The following FRMPD4 variants were observed in gnomAD, a reference collection of about 807,000 sequenced individuals.
FRMPD4 encodes the protein FERM and PDZ domain containing 4.
A neutral mutation model predicts 94.1 loss-of-function variants in FRMPD4; 22 were observed. The ratio of observed to expected loss-of-function variants is 0.23; its 90% CI spans 0.17 to 0.33. The LOEUF (loss-of-function observed/expected upper bound fraction) is 0.33. Ranked by LOEUF, FRMPD4 falls within the 10% of genes least tolerant of loss-of-function variation. The pLI, the probability that FRMPD4 is intolerant of heterozygous loss-of-function variation, is 1.00. For synonymous variants in FRMPD4, 631 were observed against 548.6 expected, an observed-to-expected ratio of 1.15 and a Z score of -2.10; for missense variants, 1,111 against 1,339.9, an observed-to-expected ratio of 0.83 and a Z score of 2.67.
chrX:12,236,576 A>G (rs1569201762), intron 1 of FRMPD4, among the ~76,000 whole-genome samples: 1 of 112,100 alleles, frequency 8.9e-6, no homozygotes, highest in Non-Finnish European at 1.9e-5. Context: ...GAATTTATAT[A>G]ATTTTAATGA....
intron 2 of FRMPD4, among the ~76,000 whole-genome samples, chrX:12,533,915 T>G (rs1418188262): frequency 8.9e-6 from 1 of 112,686 alleles, no homozygotes; most frequent in Non-Finnish European, 1.9e-5. Flanking sequence ...CTGCAGAAAT[T>G]TGCACAAGTA....
chrX:12,294,981 T>G (rs1019467923), intron 1 of FRMPD4, among the ~76,000 whole-genome samples: 17 of 112,096 alleles, frequency 1.5e-4, no homozygotes, highest in Non-Finnish European at 3.0e-4. Flanking sequence ...CACACAGAGA[T>G]TATTTACATA....
intron 1 of FRMPD4, among the ~76,000 whole-genome samples, chrX:12,141,526 CT>C (rs1252581378): frequency 9.0e-6 from 1 of 111,377 alleles, no homozygotes; most frequent in African/African-American, 3.3e-5. Context: ...AATCTATACC[CT>C]TTTAATCGTG....
chrX:12,543,802 G>T (rs182657878), intron 2 of FRMPD4, among the ~76,000 whole-genome samples: 97 of 108,723 alleles, frequency 8.9e-4, no homozygotes, highest in African/African-American at 3.1e-3. Flanking sequence ...GTTTATTGCG[G>T]CACTCTTCAC....
At chrX:12,226,016 T>C (rs1191923689) in intron 1 of FRMPD4, among the ~76,000 whole-genome samples, 1 of 111,977 alleles carries the variant, frequency 8.9e-6, no homozygotes, top group African/African-American at 3.3e-5. Context: ...ATGAAAACGG[T>C]GCCTGGCACA....
chrX:12,229,654 CCTT>C (rs1294068027), intron 1 of FRMPD4, among the ~76,000 whole-genome samples: 1 of 111,791 alleles, frequency 8.9e-6, no homozygotes, highest in Non-Finnish European at 1.9e-5. Context: ...TTTGCTCTCT[CCTT>C]CTCCACTGGC....
In FRMPD4 at chrX:11,970,903, A is replaced by G. The variant is rs773941122; in HGVS notation, c.95+92885A>G. On this transcript the variant is annotated intron_variant, in intron 3 of 18. Coordinates refer to the FRMPD4 transcript ENST00000640291. ...CCGTGGCTCAATCCAATTCCATTTG[A>G]GTGTCCCCCAGTTTAAGCCTCCCCA... 3.6e-5 allele frequency among the ~76,000 whole-genome samples: 4 copies of G among 111,998 alleles called. No homozygotes were observed. In the East Asian group the frequency reaches 1.1e-3, roughly 31 times the overall value.
At chrX:12,085,397 A>G (rs1030189608) in intron 3 of FRMPD4, among the ~76,000 whole-genome samples, 2 of 111,410 alleles carry the variant, frequency 1.8e-5, no homozygotes. Context: ...AGCTAGATGC[A>G]GTGTCTCATA....
At chrX:11,941,710 A>G (rs938808934) in intron 3 of FRMPD4, among the ~76,000 whole-genome samples, 2 of 112,640 alleles carry the variant, frequency 1.8e-5, no homozygotes. Flanking sequence ...GATTTATCCC[A>G]TAGTTTAAAA....
intron 2 of FRMPD4, among the ~76,000 whole-genome samples, chrX:12,526,528 C>T (rs2148281063): frequency 8.9e-6 from 1 of 112,272 alleles, no homozygotes; most frequent in East Asian, 2.8e-4. Context: ...TTCTAAAGGA[C>T]TTTAGAGTAA....
chrX:11,844,561 A>G (rs5979478), intron 1 of FRMPD4, among the ~76,000 whole-genome samples: 49,770 of 109,236 alleles, frequency 0.46, 9,598 homozygotes, highest in South Asian at 0.74. Context: ...AACATGCACT[A>G]TTTTGTGGCC....
rs188674502 is a variant in FRMPD4, at chrX:12,348,411, A to G, written c.42-150269A>G. 1.7e-3 allele frequency among the ~76,000 whole-genome samples: 184 copies of G among 111,143 alleles called. 1 individual carries two copies. The highest frequency in any genetic ancestry group is 1.6e-3 in the Non-Finnish European group (85 of 53,028). Reference sequence around the variant, plus strand: ...GAGGATGAGGCTGCTTTGTGATTTCATTTCTCATGCTAGAAGAGAGAGAAG... The same window carrying G: ...GAGGATGAGGCTGCTTTGTGATTTCGTTTCTCATGCTAGAAGAGAGAGAAG... On this transcript the variant is annotated intron_variant, in intron 1 of 16. Coordinates refer to ENST00000675598, the MANE Select transcript of FRMPD4 (RefSeq NM_001368397.1).
At chrX:12,618,174 G>C (rs2059252701) in intron 4 of FRMPD4, among the ~76,000 whole-genome samples, 1 of 111,183 alleles carries the variant, frequency 9.0e-6, no homozygotes, top group Admixed American at 9.6e-5. Flanking sequence ...TTCACAATTA[G>C]ACTAATTAAC....
intron 2 of FRMPD4, among the ~76,000 whole-genome samples, chrX:11,870,306 C>T (rs2053748972): frequency 8.9e-6 from 1 of 111,894 alleles, no homozygotes; most frequent in Non-Finnish European, 1.9e-5. Flanking sequence ...TGTGTGGGCC[C>T]TTGCTGGAAG....
chrX:12,199,201 C>T (rs970782160), intron 1 of FRMPD4, among the ~76,000 whole-genome samples: 1 of 107,286 alleles, frequency 9.3e-6, no homozygotes, highest in Non-Finnish European at 1.9e-5. Context: ...TTTCTTTATT[C>T]TATAAAAGTA....
At chrX:12,342,229 G>C (rs1223320382) in intron 1 of FRMPD4, among the ~76,000 whole-genome samples, 1 of 112,028 alleles carries the variant, frequency 8.9e-6, no homozygotes, top group African/African-American at 3.2e-5. Context: ...TCTAAAAGAG[G>C]AAGGCATATC....
chrX:12,306,095 A>C (rs1430858993), intron 1 of FRMPD4, among the ~76,000 whole-genome samples: 4 of 108,837 alleles, frequency 3.7e-5, no homozygotes, highest in Admixed American at 9.9e-5. Context: ...AAAAAAAAAA[A>C]AACAAAACCC....
chrX:12,550,296 T>C (rs1387301293), intron 2 of FRMPD4, among the ~76,000 whole-genome samples: 3 of 109,722 alleles, frequency 2.7e-5, no homozygotes, highest in African/African-American at 9.9e-5. Flanking sequence ...ATAAAATTGA[T>C]AGACAATAAA....
chrX:11,880,547 A>G (rs1386024833), intron 3 of FRMPD4, among the ~76,000 whole-genome samples: 1 of 112,172 alleles, frequency 8.9e-6, no homozygotes, highest in Non-Finnish European at 1.9e-5. Flanking sequence ...CAGGAAGATG[A>G]GAGAGATAGT....
Sources: allele counts gnomAD v4.1 joint callset (sites outside exome capture counted in the v4.1 genomes callset), GRCh38; gene constraint gnomAD v4.1.1; transcripts MANE v1.5; gene names NCBI Gene and HGNC (gene_info 2026-07-23, HGNC 2026-07-21).